The following SLC35F4 variants were observed in gnomAD, a reference collection of about 807,000 sequenced individuals.
SLC35F4 encodes the protein chromosome 14 open reading frame 36.
In SLC35F4, 24 loss-of-function variants were observed where a neutral mutation model predicts 44.2. The observed-to-expected ratio is 0.54, with a 90% confidence interval of 0.39 to 0.76. The LOEUF (loss-of-function observed/expected upper bound fraction) is 0.76, where lower values mean the gene tolerates loss of function less well. SLC35F4 is among the 30% of genes least tolerant of loss of function. SLC35F4 has a pLI of 0.00. For synonymous variants in SLC35F4, 238 were observed against 223.6 expected, an observed-to-expected ratio of 1.06 and a Z score of -0.57; for missense variants, 562 against 586.1, an observed-to-expected ratio of 0.96 and a Z score of 0.42.
At chr14:57,743,193 G>C (rs2076662378) in intron 1 of SLC35F4, among the ~76,000 whole-genome samples, 1 of 152,124 alleles carries the variant, frequency 6.6e-6, no homozygotes, top group Non-Finnish European at 1.5e-5. Flanking sequence ...ACATTCCAAA[G>C]CTAGCAGAAG....
intron 1 of SLC35F4, among the ~76,000 whole-genome samples, chr14:57,836,886 TTAA>T (rs1172760520): frequency 6.6e-6 from 1 of 152,194 alleles, no homozygotes; most frequent in African/African-American, 2.4e-5. Flanking sequence ...CCTAAAAAAA[TTAA>T]TAACAATTCC....
chr14:57,695,200 C>T (rs1040100165), intron 1 of SLC35F4, among the ~76,000 whole-genome samples: 12 of 152,120 alleles, frequency 7.9e-5, no homozygotes, highest in Non-Finnish European at 1.6e-4. Context: ...AGCTTCTGCA[C>T]AGCAAAAGAA....
intron 7 of SLC35F4, among the ~76,000 whole-genome samples, chr14:57,564,669 T>C (rs550919827): frequency 1.1e-4 from 17 of 152,340 alleles, no homozygotes; most frequent in African/African-American, 3.6e-4. Context: ...CATTGGACCA[T>C]TGGAGATTTT....
At chr14:57,978,913 G>C (rs1402736801) in intron 1 of SLC35F4, among the ~76,000 whole-genome samples, 1 of 152,222 alleles carries the variant, frequency 6.6e-6, no homozygotes, top group African/African-American at 2.4e-5. Flanking sequence ...ATTGGTGGAA[G>C]TGAGTAGTCC....
At chr14:57,812,746 A>T (rs1882114752) in intron 1 of SLC35F4, among the ~76,000 whole-genome samples, 2 of 152,200 alleles carry the variant, frequency 1.3e-5, no homozygotes, top group South Asian at 4.1e-4. Context: ...TGAGACTTAA[A>T]CTAGAACCAT....
intron 1 of SLC35F4, among the ~76,000 whole-genome samples, chr14:57,750,037 C>T (rs534729959): frequency 6.6e-6 from 1 of 152,030 alleles, no homozygotes; most frequent in Non-Finnish European, 1.5e-5. Context: ...CATCATCCAC[C>T]CCTCTCATCT....
chr14:57,809,438 G>A (rs1334516667), intron 1 of SLC35F4, among the ~76,000 whole-genome samples: 1 of 152,106 alleles, frequency 6.6e-6, no homozygotes, highest in Admixed American at 6.5e-5. Flanking sequence ...TTTGGTCTGT[G>A]CAGTGGCTAG....
chr14:57,964,778 G>A (rs559353623), intron 1 of SLC35F4, among the ~76,000 whole-genome samples: 2 of 152,056 alleles, frequency 1.3e-5, no homozygotes, highest in Admixed American at 1.3e-4. Context: ...GTGAAGGGTG[G>A]CATGCATTGG....
intron 1 of SLC35F4, among the ~76,000 whole-genome samples, chr14:57,638,220 G>A (rs185527547): frequency 6.6e-6 from 1 of 152,204 alleles, no homozygotes; most frequent in East Asian, 1.9e-4. Context: ...GCTTTGATTG[G>A]TTAGGACTGA....
chr14:57,862,157 G>T (rs541015601), intron 1 of SLC35F4, among the ~76,000 whole-genome samples: 42 of 152,028 alleles, frequency 2.8e-4, no homozygotes, highest in Admixed American at 1.2e-3. Context: ...AACCAGAAAA[G>T]ATGCAGTCAT....
At chr14:57,976,565 C>G (rs921401354), downstream of SLC35F4, among the ~76,000 whole-genome samples, 1 of 152,176 alleles carries the variant, frequency 6.6e-6, no homozygotes, top group African/African-American at 2.4e-5. Flanking sequence ...AGACTTACAG[C>G]ACATAGGGCT....
chr14:57,834,691 C>T (rs1595171073), intron 1 of SLC35F4, among the ~76,000 whole-genome samples: 1 of 152,158 alleles, frequency 6.6e-6, no homozygotes, highest in East Asian at 1.9e-4. Context: ...CAAATCCTTC[C>T]TATCCAGCAT....
chr14:57,708,369 C>G (rs1566783355), intron 1 of SLC35F4, among the ~76,000 whole-genome samples: 1 of 152,188 alleles, frequency 6.6e-6, no homozygotes. Flanking sequence ...CTCAGGGAGA[C>G]TGATTTGAGT....
intron 1 of SLC35F4, among the ~76,000 whole-genome samples, chr14:57,709,288 C>T (rs1472707142): frequency 6.6e-6 from 1 of 152,120 alleles, no homozygotes; most frequent in African/African-American, 2.4e-5. Context: ...CTGGCATTAC[C>T]GCTAGACCAA....
chr14:57,750,784 G>A (rs1717431387), intron 1 of SLC35F4, among the ~76,000 whole-genome samples: 1 of 152,058 alleles, frequency 6.6e-6, no homozygotes, highest in Admixed American at 6.6e-5. Flanking sequence ...GTATATTCTG[G>A]ATATTAGTCC....
intron 1 of SLC35F4, among the ~76,000 whole-genome samples, chr14:57,703,302 A>T (rs762042634): frequency 2.2e-4 from 34 of 152,206 alleles, no homozygotes; most frequent in Non-Finnish European, 4.1e-4. Context: ...AAAATACAGT[A>T]GGTGGCAAAT....
intron 1 of SLC35F4, among the ~76,000 whole-genome samples, chr14:57,845,323 A>G (rs902776141): frequency 6.6e-5 from 10 of 152,278 alleles, no homozygotes; most frequent in South Asian, 2.1e-4. Context: ...CTGAGCCTCA[A>G]TTTTTTCATC....
At chr14:57,670,762 G>A (rs1160575006) in intron 1 of SLC35F4, among the ~76,000 whole-genome samples, 1 of 151,784 alleles carries the variant, frequency 6.6e-6, no homozygotes. Flanking sequence ...AGGCCTAGTT[G>A]TGCATTTCCT....
At chr14:57,742,822 A>G (rs549504767) in intron 1 of SLC35F4, among the ~76,000 whole-genome samples, 121 of 152,344 alleles carry the variant, frequency 7.9e-4, no homozygotes, top group African/African-American at 2.8e-3. Context: ...CATAGTTGGA[A>G]GTAAAGCACT....
Sources: gnomAD v4.1 joint callset for allele counts (sites outside exome capture counted in the v4.1 genomes callset) on GRCh38, gnomAD v4.1.1 for gene constraint, MANE v1.5 for transcripts, NCBI Gene and HGNC (gene_info 2026-07-23, HGNC 2026-07-21) for gene names.